Variants in SLC30A6 observed in about 807,000 individuals in gnomAD.
The protein encoded by SLC30A6 is zinc transporter 6.
Under a neutral mutation model 63.0 loss-of-function variants are expected in SLC30A6, and 55 were observed. The ratio of observed to expected loss-of-function variants is 0.87; its 90% CI spans 0.70 to 1.09. SLC30A6 has a LOEUF of 1.09. SLC30A6 is among the 50% of genes least tolerant of loss of function. The pLI, the probability that SLC30A6 is intolerant of heterozygous loss-of-function variation, is 0.00. For synonymous variants in SLC30A6, 224 were observed against 186.1 expected (o/e 1.20, Z -1.66); for missense variants, 587 against 549.2 (o/e 1.07, Z -0.69).
rs747710812 is a variant in SLC30A6, at chr2:32,165,944, TTC to T, written c.3+42_3+43del. 41 of 1,614,076 alleles carry T rather than the reference TTC, an allele frequency of 2.5e-5. No individual in the cohort carries two copies. In the Middle Eastern group the frequency reaches 6.6e-4, roughly 26 times the overall value. On this transcript the variant is annotated intron_variant, in intron 1 of 13. Coordinates refer to ENST00000282587, the MANE Select transcript of SLC30A6 (RefSeq NM_017964.5). Reference sequence around the variant, plus strand: ...GGGTGAGGGTTTCGGCTGTAGCTGATTCGGTTTATCTTATTTGGTCCCGAAGC... The same window carrying T: ...GGGTGAGGGTTTCGGCTGTAGCTGATGGTTTATCTTATTTGGTCCCGAAGC...
chr2:32,190,533 T>C (rs1452177227), intron 5 of SLC30A6, among the ~76,000 whole-genome samples: 1 of 152,198 alleles, frequency 6.6e-6, no homozygotes, highest in Non-Finnish European at 1.5e-5. Context: ...TAAGAAATCT[T>C]GGCATACCCC....
At chr2:32,193,560 T>G (rs879708484) in intron 7 of SLC30A6, among the ~76,000 whole-genome samples, 2 of 152,250 alleles carry the variant, frequency 1.3e-5, no homozygotes, top group Non-Finnish European at 2.9e-5. Context: ...TTATCTATTC[T>G]GATCAGTTTA....
intron 3 of SLC30A6, among the ~76,000 whole-genome samples, chr2:32,174,799 G>A (rs1006314224): frequency 4.7e-5 from 7 of 148,780 alleles, no homozygotes; most frequent in Admixed American, 2.7e-4. Context: ...TGATCCACCC[G>A]CCTCAGCCTC....
Position 32,171,315 on chromosome 2 carries a change from A to G in SLC30A6, c.32A>G (p.Gln11Arg). The G allele has an allele frequency of 6.2e-7, 1 of 1,613,854 alleles. No homozygotes were observed. The highest frequency in any genetic ancestry group is 1.1e-5 in the South Asian group (1 of 91,076). The change falls in exon 2 of 14, where the codon CAA becomes CGA. Residue 11 changes from glutamine to arginine, a missense_variant. Physicochemically the swap from Gln to Arg is conservative, Grantham distance 43. Transcript: ENST00000282587. ...ACAATTCATCTCTTTCGAAAACCACAAAGATCCTTTTTTGGCAAGTTGTTA... is the reference window on the plus strand; with the variant it reads ...ACAATTCATCTCTTTCGAAAACCACGAAGATCCTTTTTTGGCAAGTTGTTA... MGTIHLFRKP[Q>R]RSFFGKLLRE...
chr2:32,175,188 A>G, intron 3 of SLC30A6, 131 bp from the exon 4 acceptor site: 1 of 716,526 alleles, frequency 1.4e-6, no homozygotes, highest in East Asian at 2.7e-5. Flanking sequence ...AACTGCCAAT[A>G]TATGAGGTTG....
At chr2:32,191,861 C>T (rs1415938798) in intron 5 of SLC30A6, among the ~76,000 whole-genome samples, 2 of 151,694 alleles carry the variant, frequency 1.3e-5, no homozygotes, top group Middle Eastern at 3.4e-3. Flanking sequence ...AGACCCCCAT[C>T]TCTTGAAAAA....
intron 1 of SLC30A6, 62 bp from the exon 2 acceptor site, chr2:32,171,225 T>C (rs1028774385): frequency 7.3e-7 from 1 of 1,372,328 alleles, no homozygotes; most frequent in African/African-American, 1.4e-5. Context: ...CTATATCATA[T>C]CATAGGAACT....
chr2:32,205,148 A>T (rs1349631060), intron 11 of SLC30A6, among the ~76,000 whole-genome samples: 1 of 151,876 alleles, frequency 6.6e-6, no homozygotes, highest in Non-Finnish European at 1.5e-5. Flanking sequence ...TGGCCAGGAG[A>T]GGTGGCTCAC....
At position 32,171,991 on chromosome 2, in the gene SLC30A6, G is replaced by C. The variant is rs1023837893; in HGVS notation, c.90+618G>C. 5.3e-5 allele frequency among the ~76,000 whole-genome samples: 8 copies of C among 152,226 alleles called. No homozygotes were observed. In the South Asian group the frequency reaches 1.7e-3, roughly 32 times the overall value. Reference sequence around the variant, plus strand: ...TTACAGGCGTGAACCACCGTGCCTGGCCCATGTTTTCTCATTTTTAATGTA... The same window carrying C: ...TTACAGGCGTGAACCACCGTGCCTGCCCCATGTTTTCTCATTTTTAATGTA... On this transcript the variant is annotated intron_variant, in intron 2 of 13. Transcript: ENST00000282587.
chr2:32,213,175 G>T (rs889380180), intron 13 of SLC30A6, among the ~76,000 whole-genome samples: 2 of 151,924 alleles, frequency 1.3e-5, no homozygotes, highest in Non-Finnish European at 2.9e-5. Flanking sequence ...CCAAAGTGTT[G>T]GGATTACAGG....
At chr2:32,219,784 C>G (rs1686015283) in intron 13 of SLC30A6, among the ~76,000 whole-genome samples, 1 of 152,148 alleles carries the variant, frequency 6.6e-6, no homozygotes, top group Non-Finnish European at 1.5e-5. Context: ...CCAAGTATGC[C>G]ATACATTTTC....
At chr2:32,168,882 A>G (rs552352443) in intron 1 of SLC30A6, among the ~76,000 whole-genome samples, 1 of 152,318 alleles carries the variant, frequency 6.6e-6, no homozygotes, top group South Asian at 2.1e-4. Flanking sequence ...AGCAATGGCG[A>G]GCCAATATAA....
At chr2:32,169,798 T>C (rs1481984328) in intron 1 of SLC30A6, among the ~76,000 whole-genome samples, 1 of 152,180 alleles carries the variant, frequency 6.6e-6, no homozygotes, top group African/African-American at 2.4e-5. Flanking sequence ...TGACTGTGTA[T>C]AGGGAGAGGC....
At chr2:32,166,819 A>G (rs994066667) in intron 1 of SLC30A6, among the ~76,000 whole-genome samples, 12 of 152,234 alleles carry the variant, frequency 7.9e-5, no homozygotes, top group African/African-American at 2.9e-4. Context: ...AATTTTCTGT[A>G]ATCCTTTTGC....
intron 5 of SLC30A6, among the ~76,000 whole-genome samples, chr2:32,191,030 T>C (rs1558395422): frequency 6.6e-6 from 1 of 152,202 alleles, no homozygotes. Flanking sequence ...TGTACTTGGA[T>C]TAGTACTGCA....
chr2:32,202,748 TG>T, intron 10 of SLC30A6: 1 of 703,480 alleles, frequency 1.4e-6, no homozygotes, highest in Non-Finnish European at 2.6e-6. Context: ...AAACTGATTC[TG>T]AAGACAGTCC....
chr2:32,212,537 G>A (rs184807386), intron 13 of SLC30A6, among the ~76,000 whole-genome samples: 151 of 146,824 alleles, frequency 1.0e-3, no homozygotes, highest in African/African-American at 3.3e-3. Context: ...TTTTGTGAAC[G>A]AAGAAAGATT....
intron 10 of SLC30A6, among the ~76,000 whole-genome samples, chr2:32,204,292 CAGAT>C (rs371803578): frequency 3.2e-4 from 49 of 152,232 alleles, no homozygotes; most frequent in East Asian, 2.3e-3. Context: ...TTCTAGTTGA[CAGAT>C]AGTTTGACAA....
intron 13 of SLC30A6, 57 bp downstream of exon 13, chr2:32,209,618 A>G: frequency 1.5e-6 from 2 of 1,378,056 alleles, no homozygotes; most frequent in Non-Finnish European, 2.0e-6. Flanking sequence ...TTCCATTTTT[A>G]AAACTGAAAA....
Sources: gnomAD v4.1 joint callset for allele counts (sites outside exome capture counted in the v4.1 genomes callset) on GRCh38, gnomAD v4.1.1 for gene constraint, MANE v1.5 for transcripts, NCBI Gene and HGNC (gene_info 2026-07-23, HGNC 2026-07-21) for gene names.